Variants in ESYT3 observed in about 807,000 individuals in gnomAD.
The protein encoded by ESYT3 is extended synaptotagmin 3, also known as extended synaptotagmin-3.
ESYT3 carries 101 observed loss-of-function variants against 111.5 expected under a neutral mutation model. The observed-to-expected ratio is 0.91, with a 90% CI of 0.77 to 1.07. The LOEUF (loss-of-function observed/expected upper bound fraction) is 1.07, where lower values mean the gene tolerates loss of function less well. ESYT3 is among the 50% of genes least tolerant of loss of function. The pLI is 0.00. For synonymous variants in ESYT3, 416 were observed against 446.8 expected (o/e 0.93, Z 0.87); for missense variants, 1,097 against 1,109.4 (o/e 0.99, Z 0.16).
chr3:138,474,086 G>A (rs959987402), intron 19 of ESYT3, 135 bp from the exon 20 acceptor site: 7 of 1,168,836 alleles, frequency 6.0e-6, no homozygotes, highest in Admixed American at 2.3e-5. Flanking sequence ...CGTATCTAAT[G>A]CTGAATGGCT....
chr3:138,437,316 GC>G (rs571880355), intron 1 of ESYT3, among the ~76,000 whole-genome samples: 233 of 152,314 alleles, frequency 1.5e-3, no homozygotes, highest in African/African-American at 5.3e-3. Flanking sequence ...CCGAATCACA[GC>G]CCCCTTTCTC....
intron 3 of ESYT3, 51 bp from the exon 4 acceptor site, chr3:138,457,517 G>GC: frequency 6.5e-7 from 1 of 1,538,830 alleles, no homozygotes; most frequent in Non-Finnish European, 9.0e-7. Flanking sequence ...GCTGGCAGCT[G>GC]TCCCCTGCTA....
intron 16 of ESYT3, chr3:138,470,597 G>A: frequency 8.2e-7 from 1 of 1,216,466 alleles, no homozygotes; most frequent in Non-Finnish European, 1.0e-6. Context: ...TGCCTGGAGA[G>A]CAGCACAGCT....
At position 138,440,427 on chromosome 3, in the gene ESYT3, G is replaced by A. The variant is rs1314770952; in HGVS notation, c.327+5302G>A. 6.6e-6 allele frequency among the ~76,000 whole-genome samples: 1 copy of A among 152,200 alleles called. No individual in the cohort carries two copies. Among genetic ancestry groups the A allele is most frequent in the Non-Finnish European group, 1.5e-5 (1 of 68,044 alleles). On this transcript the variant is annotated intron_variant, in intron 1 of 22. Transcript: ENST00000389567. This position sits in a 1 kb window ranked among gnomAD's most constrained non-coding sequence, Gnocchi z 4.2. ...GACCCAGGCTCTCAGGGTCTGTCCT[G>A]AGATACTTCAGTTAATTAGAGGAAG...
chr3:138,451,789 G>T (rs76585697), intron 1 of ESYT3, among the ~76,000 whole-genome samples: 3 of 151,600 alleles, frequency 2.0e-5, no homozygotes, highest in African/African-American at 7.3e-5. Context: ...CTGCGGAATC[G>T]GTGCCAGCTC....
intron 17 of ESYT3, 88 bp downstream of exon 17, chr3:138,471,114 G>A: frequency 9.0e-7 from 1 of 1,105,180 alleles, no homozygotes; most frequent in East Asian, 2.4e-5. Context: ...AGCACCTGCT[G>A]TGTGCCTGGA....
rs2033514167 is a variant in ESYT3, at chr3:138,476,922, A to G, written c.*68A>G. 1.6e-6 allele frequency: 2 copies of G among 1,216,922 alleles called. No homozygotes were observed. Among genetic ancestry groups the G allele is most frequent in the South Asian group, 1.4e-5 (1 of 70,380 alleles). The allele number at this position is 1,216,922 out of a possible 1,614,324, so 75.4% of individuals were successfully genotyped here. On this transcript the variant is annotated 3_prime_UTR_variant, in exon 23 of 23. Coordinates refer to ENST00000389567, the MANE Select transcript of ESYT3 (RefSeq NM_031913.5). ...TATATGTATATATTTTTTCCTTTGGATCACTTACATCCAATATATGTATAT... is the reference window on the plus strand; with the variant it reads ...TATATGTATATATTTTTTCCTTTGGGTCACTTACATCCAATATATGTATAT...
chr3:138,459,929 C>T lies in ESYT3; in HGVS notation c.649-16C>T, dbSNP rs1274479322. On this transcript the variant is annotated splice_polypyrimidine_tract_variant and intron_variant, in intron 5 of 22. Coordinates refer to ENST00000389567, the MANE Select transcript of ESYT3 (RefSeq NM_031913.5). The stretch of plus-strand genomic sequence containing the variant: ...AGTAGGCCTGGGCCCCTCACGGGCC[C>T]TCTGTGCCTATCCAGTTGCAGGGCA... The T allele has an allele frequency of 1.9e-6, 3 of 1,612,682 alleles. No individual in the cohort carries two copies. The highest frequency in any genetic ancestry group is 1.7e-5 in the Admixed American group (1 of 59,982).
intron 9 of ESYT3, 82 bp from the exon 10 acceptor site, chr3:138,465,257 C>G: frequency 9.7e-7 from 1 of 1,027,190 alleles, no homozygotes; most frequent in Non-Finnish European, 1.5e-6. Flanking sequence ...TGCTAGCGTT[C>G]TGAGCCATGA....
Position 138,434,966 on chromosome 3 carries a change from G to A in ESYT3, c.168G>A (p.Gly56=), listed in dbSNP as rs1341806553. ...LGPVYLAGYL[G]LSITWLLLGA... ...CTGTCTACCTAGCTGGCTACCTGGG[G>A]CTCAGCATAACCTGGTTGCTGCTCG... Residue 56 remains glycine, a synonymous_variant, in exon 1 of 23, where the codon GGG becomes GGA. Transcript: ENST00000389567. 5.1e-6 allele frequency: 8 copies of A among 1,555,248 alleles called. No individual in the cohort carries two copies. The Admixed American group carries it at 7.8e-5, about 15-fold the overall frequency.
rs372734965 is a variant in ESYT3, at chr3:138,472,653, G to A, written c.2031G>A (p.Glu677=). The change falls in exon 18 of 23, where the codon GAG becomes GAA. Residue 677 remains glutamate (E), a synonymous_variant. Transcript: ENST00000389567. ...AGGACAGTGCCAAAAGGTTCTGTGA[G>A]CCCATCGGGGAGAAGAAGAGTCCAG... ...KGKDSAKRFC[E]PIGEKKSPAT... is the part of the protein sequence containing the mutation. The A allele has an allele frequency of 4.3e-6, 7 of 1,614,142 alleles. No individual in the cohort carries two copies. The highest frequency in any genetic ancestry group is 1.7e-5 in the Admixed American group (1 of 60,010).
chr3:138,459,052 C>A (rs1274956895), intron 4 of ESYT3, 135 bp from the exon 5 acceptor site: 2 of 587,816 alleles, frequency 3.4e-6, no homozygotes, highest in Non-Finnish European at 5.9e-6. Flanking sequence ...AGGCCATGTG[C>A]CCAGTGCATA....
At position 138,470,893 on chromosome 3, in the gene ESYT3, A is replaced by G; in HGVS notation, c.1607A>G (p.Gln536Arg). The G allele has an allele frequency of 6.2e-7, 1 of 1,614,148 alleles. No homozygotes were observed. Among genetic ancestry groups the G allele is most frequent in the South Asian group, 1.1e-5 (1 of 91,076 alleles). The change falls in exon 17 of 23, where the codon CAG (glutamine) becomes CGG (arginine). Residue 536 changes from glutamine (Q) to arginine (R), a missense_variant. Gln to Arg is a conservative substitution (Grantham distance 43). Transcript: ENST00000389567. ...RLHLKVLDDD[Q>R]ECALGMLEVP... is the part of the protein sequence containing the mutation. ...ACTGCCCAGGTGCTTGATGATGACC[A>G]GGAGTGTGCTCTGGGAATGCTGGAG...
chr3:138,454,196 G>A (rs2032125569), intron 2 of ESYT3, among the ~76,000 whole-genome samples: 1 of 152,144 alleles, frequency 6.6e-6, no homozygotes, highest in Admixed American at 6.5e-5. Flanking sequence ...GCAGTGAGCT[G>A]TAATCATGCC....
chr3:138,470,999 C>T lies in ESYT3; in HGVS notation c.1713C>T (p.Ser571=), dbSNP rs199633328. The change falls in exon 17 of 23, where the codon AGC becomes AGT. Residue 571 remains serine, a synonymous_variant. Coordinates refer to ENST00000389567, the MANE Select transcript of ESYT3 (RefSeq NM_031913.5). ...AGCTGGACCACTCAGGCCTGGACAGCCTCATCTCCATGAGGCTGGTGCTTC... is the reference window on the plus strand; with the variant it reads ...AGCTGGACCACTCAGGCCTGGACAGTCTCATCTCCATGAGGCTGGTGCTTC... ...RFQLDHSGLD[S]LISMRLVLRF... is the part of the protein sequence containing the mutation. The T allele has an allele frequency of 1.9e-6, 3 of 1,614,076 alleles. No homozygotes were observed. The highest frequency in any genetic ancestry group is 2.5e-6 in the Non-Finnish European group (3 of 1,180,020).
chr3:138,446,690 G>C (rs781732584), intron 1 of ESYT3, among the ~76,000 whole-genome samples: 1 of 152,106 alleles, frequency 6.6e-6, no homozygotes, highest in Non-Finnish European at 1.5e-5. Context: ...AGGAGTTCAC[G>C]ACCAGCATGG....
At chr3:138,461,001 T>C (rs1679174) in intron 7 of ESYT3, among the ~76,000 whole-genome samples, 130,088 of 152,192 alleles carry the variant, frequency 0.85, 56,148 homozygotes, top group East Asian at 0.99. Flanking sequence ...AGATGTGGTC[T>C]GAGGGGAGGC....
Position 138,455,913 on chromosome 3 carries a change from G to T in ESYT3, c.504+585G>T, listed in dbSNP as rs116753212. On this transcript the variant is annotated intron_variant, in intron 3 of 22. Coordinates refer to ENST00000389567, the MANE Select transcript of ESYT3 (RefSeq NM_031913.5). ...TCCTGTTTCAGCCTTGGTGCCCTAC[G>T]CCTCCTGCCTCGAAGTGCCCCTAGT... 7.3e-3 allele frequency among the ~76,000 whole-genome samples: 1,107 copies of T among 152,246 alleles called. 16 individuals are homozygous for T. Among genetic ancestry groups the T allele is most frequent in the African/African-American group, 0.026 (1,064 of 41,546 alleles).
At chr3:138,448,440 T>A (rs547357551) in intron 1 of ESYT3, among the ~76,000 whole-genome samples, 2 of 151,776 alleles carry the variant, frequency 1.3e-5, no homozygotes, top group Non-Finnish European at 2.9e-5. Flanking sequence ...AGTTTTTGAG[T>A]GAAGTAGATT....
Sources: allele counts gnomAD v4.1 joint callset (sites outside exome capture counted in the v4.1 genomes callset), GRCh38; gene constraint gnomAD v4.1.1; non-coding constraint Gnocchi (gnomAD v3.1); transcripts MANE v1.5; gene names NCBI Gene and HGNC (gene_info 2026-07-23, HGNC 2026-07-21).